Variants in PCDHGA9 observed in about 807,000 individuals in gnomAD.
PCDHGA9 encodes the protein protocadherin gamma subfamily A, 9.
A neutral mutation model predicts 62.5 loss-of-function variants in PCDHGA9; 37 were observed. The ratio of observed to expected loss-of-function variants is 0.59; its 90% CI spans 0.46 to 0.78. The LOEUF (loss-of-function observed/expected upper bound fraction) is 0.78, where lower values mean the gene tolerates loss of function less well. Among genes scored for constraint, PCDHGA9 ranks in the 30% least tolerant of loss-of-function variants. The probability of loss-of-function intolerance (pLI) is 0.00; values close to 1 mark genes in which losing one functional copy is unlikely to be tolerated. For synonymous variants in PCDHGA9, 459 were observed against 484.6 expected (o/e 0.95, Z 0.69); for missense variants, 1,138 against 1,166.2 (o/e 0.98, Z 0.35).
At chr5:141,496,164 C>T (rs745320704) in intron 2 of PCDHGA9, among the ~76,000 whole-genome samples, 1 of 152,084 alleles carries the variant, frequency 6.6e-6, no homozygotes, top group Non-Finnish European at 1.5e-5. Context: ...CCACCAGACA[C>T]CCTCCCATCC....
intron 1 of PCDHGA9, chr5:141,417,858 C>T (rs561149517): frequency 6.5e-7 from 1 of 1,547,240 alleles, no homozygotes. Flanking sequence ...CCCGAGCGAA[C>T]GATGGGAGGG....
intron 1 of PCDHGA9, among the ~76,000 whole-genome samples, chr5:141,482,944 G>A (rs1362136222): frequency 6.6e-6 from 1 of 152,094 alleles, no homozygotes; most frequent in Non-Finnish European, 1.5e-5. Context: ...GTGGTTGTGG[G>A]TGCCTGTAAT....
intron 1 of PCDHGA9, chr5:141,471,533 G>C (rs921328911): frequency 1.3e-5 from 2 of 152,234 alleles, no homozygotes. Context: ...AGGAAGCTAT[G>C]ATAGCATTTA....
chr5:141,491,014 G>A lies in PCDHGA9; in HGVS notation c.2425-3793G>A, dbSNP rs761902295. On this transcript the variant is annotated intron_variant, in intron 1 of 3. Transcript: ENST00000573521. This position sits in a 1 kb window ranked among gnomAD's most constrained non-coding sequence, Gnocchi z 6.9. ...TCCTCCTGGCTCCTTGGTCACCAAG[G>A]TGACAGCCGTGGATGCTGATGCAGG... 6 of 1,614,134 alleles carry A rather than the reference G, an allele frequency of 3.7e-6. No individual in the cohort carries two copies. Among genetic ancestry groups the A allele is most frequent in the Non-Finnish European group, 4.2e-6 (5 of 1,180,044 alleles).
At chr5:141,472,256 T>C (rs2099275290) in intron 1 of PCDHGA9, among the ~76,000 whole-genome samples, 1 of 152,176 alleles carries the variant, frequency 6.6e-6, no homozygotes, top group South Asian at 2.1e-4. Flanking sequence ...TAAAGTTATA[T>C]TATAGCCGGG....
chr5:141,462,781 G>A (rs893647456), intron 1 of PCDHGA9, among the ~76,000 whole-genome samples: 7 of 152,102 alleles, frequency 4.6e-5, no homozygotes, highest in African/African-American at 1.7e-4. Context: ...GTCATAATTT[G>A]TTGCTTATTT....
rs199877605 is a variant in PCDHGA9 at position 141,421,311 on chromosome 5, G to A, written c.2424+15935G>A. The A allele has an allele frequency of 9.5e-5, 154 of 1,613,788 alleles. No individual in the cohort carries two copies. The African/African-American group carries it at 1.9e-3, about 20-fold the overall frequency. On this transcript the variant is annotated intron_variant, in intron 1 of 3. Coordinates refer to ENST00000573521, the MANE Select transcript of PCDHGA9 (RefSeq NM_018921.3). ...TCCTGGGGACGCTGCGGGGGTTCCG[G>A]GCCAGGCAGATCCGATATTCGGTGC... is the stretch of plus-strand genomic sequence containing the variant.
intron 1 of PCDHGA9, among the ~76,000 whole-genome samples, chr5:141,494,070 C>T (rs933213518): frequency 3.9e-5 from 6 of 152,174 alleles, no homozygotes; most frequent in African/African-American, 1.4e-4. Context: ...AGCTGGATCC[C>T]TCCCCGCTGC....
chr5:141,426,085 C>T (rs1315114723), intron 1 of PCDHGA9, among the ~76,000 whole-genome samples: 7 of 152,148 alleles, frequency 4.6e-5, no homozygotes, highest in Non-Finnish European at 8.8e-5. Flanking sequence ...TCTACCAGGA[C>T]GATATTCTGT....
rs2094454199 is a variant in PCDHGA9, at chr5:141,403,773, AC to A, written c.822del (p.Asn274LysfsTer34). 1 of 1,613,838 alleles carries A rather than the reference AC, an allele frequency of 6.2e-7. No homozygotes were observed. Among genetic ancestry groups the A allele is most frequent in the South Asian group, 1.1e-5 (1 of 91,094 alleles). On this transcript the variant is annotated frameshift_variant, in exon 1 of 4. Coordinates refer to ENST00000573521, the MANE Select transcript of PCDHGA9 (RefSeq NM_018921.3). LOFTEE classifies it high-confidence loss of function. ...ATASDLDEGI[N>X]GKVAYKFWKI... is the part of the protein sequence containing the mutation. ...GCCAGCGACCTGGATGAGGGAATCA[AC>A]GGAAAAGTGGCATACAAATTCTGGA...
Position 141,489,784 on chromosome 5 carries a change from G to A in PCDHGA9, c.2425-5023G>A. 1 of 1,614,218 alleles carries A rather than the reference G, an allele frequency of 6.2e-7. No individual in the cohort carries two copies. Among genetic ancestry groups the A allele is most frequent in the Non-Finnish European group, 8.5e-7 (1 of 1,180,010 alleles). On this transcript the variant is annotated intron_variant, in intron 1 of 3. Transcript: ENST00000573521. This position sits in a 1 kb window ranked among gnomAD's most constrained non-coding sequence, Gnocchi z 4.5. ...CCCCAACAGCCACTTCTCTCTGAAT[G>A]TGAAGACCCTAAAAGATGGGAAGCC...
At chr5:141,470,306 T>C (rs2099227644) in intron 1 of PCDHGA9, among the ~76,000 whole-genome samples, 1 of 152,222 alleles carries the variant, frequency 6.6e-6, no homozygotes, top group South Asian at 2.1e-4. Flanking sequence ...TTATTCCATT[T>C]TTCCTCAAAT....
chr5:141,444,035 T>C (rs928920813), intron 1 of PCDHGA9, among the ~76,000 whole-genome samples: 1 of 151,694 alleles, frequency 6.6e-6, no homozygotes, highest in Non-Finnish European at 1.5e-5. Context: ...ATTCAGTAAA[T>C]CAGATAATTT....
chr5:141,450,179 A>G (rs1472867634), intron 1 of PCDHGA9, among the ~76,000 whole-genome samples: 1 of 151,100 alleles, frequency 6.6e-6, no homozygotes, highest in African/African-American at 2.4e-5. Flanking sequence ...CACCACACCC[A>G]GCTAATTTTT....
Position 141,489,968 on chromosome 5 carries a change from A to G in PCDHGA9, c.2425-4839A>G. 6.2e-7 allele frequency: 1 copy of G among 1,614,146 alleles called. No homozygotes were observed. The highest frequency in any genetic ancestry group is 2.2e-5 in the East Asian group (1 of 44,880). On this transcript the variant is annotated intron_variant, in intron 1 of 3. Coordinates refer to ENST00000573521, the MANE Select transcript of PCDHGA9 (RefSeq NM_018921.3). This position sits in a 1 kb window ranked among gnomAD's most constrained non-coding sequence, Gnocchi z 4.5. Reference sequence around the variant, plus strand: ...ATCAATGATAATGCTCCAACCTTCCAATCCTCAGTTCTACGTGTGGGAATC... The same window carrying G: ...ATCAATGATAATGCTCCAACCTTCCGATCCTCAGTTCTACGTGTGGGAATC...
intron 1 of PCDHGA9, chr5:141,414,187 T>A: frequency 6.2e-7 from 1 of 1,609,834 alleles, no homozygotes; most frequent in South Asian, 1.1e-5. Flanking sequence ...TGCAAAAGTG[T>A]TGATTACAGT....
rs146860480 is a variant in PCDHGA9 at position 141,474,581 on chromosome 5, T to G, written c.2425-20226T>G. ...GGTTTTCAGAGATTAATTGAAGTGTTAAAGACATGGAAATATAGGTCACAT... is the reference window on the plus strand; with the variant it reads ...GGTTTTCAGAGATTAATTGAAGTGTGAAAGACATGGAAATATAGGTCACAT... On this transcript the variant is annotated intron_variant, in intron 1 of 3. Transcript: ENST00000573521. Among the ~76,000 whole-genome samples the G allele has an allele frequency of 7.1e-4, 108 of 152,358 alleles. No homozygotes were observed. The East Asian group carries it at 0.015, about 21-fold the overall frequency.
intron 1 of PCDHGA9, chr5:141,478,814 C>T (rs1271237848): frequency 6.9e-7 from 1 of 1,451,050 alleles, no homozygotes; most frequent in East Asian, 2.5e-5. Context: ...GCTATCACAA[C>T]TAACCAATCT....
Position 141,487,503 on chromosome 5 carries a change from C to T in PCDHGA9, c.2425-7304C>T. On this transcript the variant is annotated intron_variant, in intron 1 of 3. Transcript: ENST00000573521. The surrounding 1 kb of genome is among the most constrained non-coding windows in gnomAD (Gnocchi z 5.0). The stretch of plus-strand genomic sequence containing the variant: ...TCTCATGGCTGTACACCCTTGGCTT[C>T]TGCACCCACTCGGAGTGATAGCTTC... 1 of 1,614,220 alleles carries T rather than the reference C, an allele frequency of 6.2e-7. No homozygotes were observed. Among genetic ancestry groups the T allele is most frequent in the Non-Finnish European group, 8.5e-7 (1 of 1,180,042 alleles).
Sources: allele counts gnomAD v4.1 joint callset (sites outside exome capture counted in the v4.1 genomes callset), GRCh38; gene constraint gnomAD v4.1.1; non-coding constraint Gnocchi (gnomAD v3.1); transcripts MANE v1.5; gene names NCBI Gene and HGNC (gene_info 2026-07-23, HGNC 2026-07-21).